NSUN5: variants seen among roughly 807,000 people sequenced by gnomAD.
NSUN5 encodes the protein NOP2/Sun RNA methyltransferase 5.
Under a neutral mutation model 51.1 loss-of-function variants are expected in NSUN5, and 39 were observed. The ratio of observed to expected loss-of-function variants is 0.76; its 90% CI spans 0.59 to 1.00. The LOEUF (loss-of-function observed/expected upper bound fraction) is 1.00, where lower values mean the gene tolerates loss of function less well. NSUN5 is among the 50% of genes least tolerant of loss of function. NSUN5 has a pLI of 0.00. For synonymous variants in NSUN5, 266 were observed against 271.5 expected (o/e 0.98, Z 0.20); for missense variants, 526 against 614.0 (o/e 0.86, Z 1.51).
In NSUN5 at chr7:73,302,915, T is replaced by C. The variant is rs1236613092; in HGVS notation, c.*500A>G. 3.8e-6 allele frequency: 4 copies of C among 1,047,206 alleles called. No individual in the cohort carries two copies. The East Asian group carries it at 3.1e-4, about 80-fold the overall frequency. 64.9% of individuals were successfully genotyped at this position (1,047,206 alleles called of 1,614,324 possible). A position where few individuals can be genotyped will look rare whatever the true frequency, so the allele number is the denominator to read the frequency against. Reference sequence around the variant, plus strand: ...GTGAACCTCAAGCCTAAATACCTGTTAGGATTGGAGGGTCTGGGTGGGCCT... The same window carrying C: ...GTGAACCTCAAGCCTAAATACCTGTCAGGATTGGAGGGTCTGGGTGGGCCT... On this transcript the variant is annotated 3_prime_UTR_variant, in exon 10 of 10. Coordinates refer to ENST00000438747, the MANE Select transcript of NSUN5 (RefSeq NM_148956.4).
In NSUN5 at chr7:73,308,678, C is replaced by G; in HGVS notation, c.93+20G>C. On this transcript the variant is annotated intron_variant, in intron 1 of 9. Transcript: ENST00000438747. ...GGTTCCTCACTCCCCACCCCTACTA[C>G]TCGCGCCCAGGTCCGCTACCTGGAA... The G allele has an allele frequency of 1.4e-6, 2 of 1,480,020 alleles. No homozygotes were observed. Among genetic ancestry groups the G allele is most frequent in the South Asian group, 2.2e-5 (2 of 89,038 alleles). The allele number at this position is 1,480,020 out of a possible 1,614,324, so 91.7% of individuals were successfully genotyped here.
In NSUN5 at chr7:73,303,960, G is replaced by C. The variant is rs1468594486; in HGVS notation, c.1011C>G (p.Phe337Leu). The C allele has an allele frequency of 1.9e-6, 3 of 1,613,996 alleles. No homozygotes were observed. Among genetic ancestry groups the C allele is most frequent in the Non-Finnish European group, 2.5e-6 (3 of 1,180,022 alleles). Residue 337 changes from phenylalanine to leucine, a missense_variant, in exon 8 of 10, where the codon TTC (phenylalanine) becomes TTG (leucine). Transcript: ENST00000438747. ...GTGCGTGGCACAGGGCTCGCTGCTGGAACCCTGCCAGGGCATGCAGACGCA... is the reference window on the plus strand; with the variant it reads ...GTGCGTGGCACAGGGCTCGCTGCTGCAACCCTGCCAGGGCATGCAGACGCA... ...SPVRLHALAG[F>L]QQRALCHALT...
Position 73,307,315 on chromosome 7 carries a change from C to T in NSUN5, c.500+79G>A, listed in dbSNP as rs1272964909. On this transcript the variant is annotated intron_variant, in intron 4 of 9. Coordinates refer to ENST00000438747, the MANE Select transcript of NSUN5 (RefSeq NM_148956.4). ...AGGAAGAAAGCCCAGAGAGCAAAGT[C>T]ACAACTATCCAGCCACTTCTCTTCC... 6.7e-6 allele frequency: 7 copies of T among 1,051,058 alleles called. No homozygotes were observed. In the East Asian group the frequency reaches 1.7e-4, roughly 25 times the overall value. The allele number at this position is 1,051,058 out of a possible 1,614,324, so 65.1% of individuals were successfully genotyped here. A position where few individuals can be genotyped will look rare whatever the true frequency, so the allele number is the denominator to read the frequency against.
intron 9 of NSUN5, 31 bp downstream of exon 9, chr7:73,303,569 G>A (rs1803889654): frequency 6.2e-7 from 1 of 1,613,812 alleles, no homozygotes; most frequent in South Asian, 1.1e-5. Context: ...GTGCCATCCT[G>A]CGCCTCCCAA....
intron 7 of NSUN5, 91 bp from the exon 8 acceptor site, chr7:73,304,127 T>C (rs1177179340): frequency 5.7e-6 from 9 of 1,565,592 alleles, no homozygotes; most frequent in Non-Finnish European, 7.8e-6. Flanking sequence ...TGTCCCAGGG[T>C]CCCAAGCCCA....
intron 4 of NSUN5, among the ~76,000 whole-genome samples, chr7:73,306,942 G>A (rs1804063358): frequency 6.6e-6 from 1 of 152,148 alleles, no homozygotes. Context: ...TTGGAGGGAG[G>A]AGAAGGAAGC....
At position 73,304,007 on chromosome 7, in the gene NSUN5, C is replaced by T. The variant is rs570093741; in HGVS notation, c.964G>A (p.Gly322Arg). ...CGCACCGGGCTAGGTGTGCCTGCCC[C>T]GGGCTCCTCCAGCTGTCTGCTCGGC... ...GMPSRQLEEPGAGTPSPVRLH... is the reference protein window; with the variant it reads ...GMPSRQLEEPRAGTPSPVRLH... The change falls in exon 8 of 10, where the codon GGG (glycine) becomes AGG (arginine). Residue 322 changes from glycine (G) to arginine (R), a missense_variant. Coordinates refer to ENST00000438747, the MANE Select transcript of NSUN5 (RefSeq NM_148956.4). 3.7e-5 allele frequency: 60 copies of T among 1,614,078 alleles called. No homozygotes were observed. The highest frequency in any genetic ancestry group is 1.6e-4 in the Middle Eastern group (1 of 6,062).
rs141373222 is a variant in NSUN5 at position 73,307,652 on chromosome 7, G to C, written c.322C>G (p.Arg108Gly). The C allele has an allele frequency of 3.2e-5, 51 of 1,608,970 alleles. No homozygotes were observed. Among genetic ancestry groups the C allele is most frequent in the South Asian group, 2.6e-4 (24 of 90,918 alleles). ...HQARLKAELA[R>G]LKVHRGVSRN... ...CTCACACCCCGATGAACCTTGAGCC[G>C]AGCCAACTCAGCCTTGAGCCTCGCC... The change falls in exon 3 of 10, where the codon CGG (arginine) becomes GGG (glycine). Residue 108 changes from arginine to glycine, a missense_variant. By Grantham distance (125) the Arg-to-Gly change is moderately radical. Coordinates refer to ENST00000438747, the MANE Select transcript of NSUN5 (RefSeq NM_148956.4).
Position 73,305,169 on chromosome 7 carries a change from T to A in NSUN5, c.501-72A>T. On this transcript the variant is annotated intron_variant, in intron 4 of 9. Transcript: ENST00000438747. ...AGGCCCCATTTCAACGGTCCATTCA[T>A]GCAACAAATGTTACCACAGCTATGG... is the stretch of plus-strand genomic sequence containing the variant. 5.2e-6 allele frequency: 8 copies of A among 1,553,290 alleles called. No homozygotes were observed. In the South Asian group the frequency reaches 9.4e-5, roughly 18 times the overall value.
chr7:73,307,626 G>A lies in NSUN5; in HGVS notation c.348C>T (p.Ser116=). ...CCACTTCCAACAGGTCCTCATTCCGGCTCACACCCCGATGAACCTTGAGCC... is the reference window on the plus strand; with the variant it reads ...CCACTTCCAACAGGTCCTCATTCCGACTCACACCCCGATGAACCTTGAGCC... The part of the protein sequence containing the change: ...LARLKVHRGV[S]RNEDLLEVGS... Residue 116 remains serine, a synonymous_variant, in exon 3 of 10, where the codon AGC becomes AGT. Coordinates refer to ENST00000438747, the MANE Select transcript of NSUN5 (RefSeq NM_148956.4). The A allele has an allele frequency of 6.2e-7, 1 of 1,605,444 alleles. No homozygotes were observed. The highest frequency in any genetic ancestry group is 1.1e-5 in the South Asian group (1 of 90,848).
At position 73,304,306 on chromosome 7, in the gene NSUN5, G is replaced by A. The variant is rs1554541452; in HGVS notation, c.858C>T (p.Phe286=). The A allele has an allele frequency of 6.2e-7, 1 of 1,614,200 alleles. No homozygotes were observed. Among genetic ancestry groups the A allele is most frequent in the Admixed American group, 1.7e-5 (1 of 60,022 alleles). ...VSCCELAEED[F]LAVSPSDPRY... is the part of the protein sequence containing the mutation. ...GTGGATCCGAGGGGGAGACCGCCAG[G>A]AAGTCCTCCTCAGCCAGTTCACAGC... Residue 286 remains phenylalanine (F), a synonymous_variant, in exon 7 of 10, where the codon TTC becomes TTT. Coordinates refer to ENST00000438747, the MANE Select transcript of NSUN5 (RefSeq NM_148956.4).
intron 5 of NSUN5, 47 bp downstream of exon 5, chr7:73,304,912 C>T (rs1803974470): frequency 6.2e-7 from 1 of 1,611,712 alleles, no homozygotes; most frequent in Non-Finnish European, 8.5e-7. Flanking sequence ...CAGGCTAGGC[C>T]CTTCCCGTGC....
chr7:73,308,644 C>T (rs1804151575), intron 1 of NSUN5, 54 bp downstream of exon 1: 1 of 1,591,758 alleles, frequency 6.3e-7, no homozygotes, highest in Non-Finnish European at 8.6e-7. Context: ...CCCGTCCGAC[C>T]CCACCCCGGG....
At position 73,307,660 on chromosome 7, in the gene NSUN5, TC is replaced by T; in HGVS notation, c.313del (p.Glu105SerfsTer11). On this transcript the variant is annotated frameshift_variant, in exon 3 of 10. Coordinates refer to ENST00000438747, the MANE Select transcript of NSUN5 (RefSeq NM_148956.4). LOFTEE classifies it high-confidence loss of function. ...LGRHQARLKAELARLKVHRGV... is the reference protein window; with the variant it reads ...LGRHQARLKAXLARLKVHRGV... ...CCGATGAACCTTGAGCCGAGCCAAC[TC>T]AGCCTTGAGCCTCGCCTGGTGCCGG... 1.2e-6 allele frequency: 2 copies of T among 1,604,952 alleles called. No individual in the cohort carries two copies. The highest frequency in any genetic ancestry group is 3.3e-4 in the Middle Eastern group (2 of 6,010).
intron 2 of NSUN5, chr7:73,308,073 G>T: frequency 4.5e-6 from 2 of 448,018 alleles, no homozygotes; most frequent in East Asian, 3.8e-5. Flanking sequence ...TAGCTCTGTC[G>T]CCCAGGCTGA....
chr7:73,305,419 A>C (rs1167224868), intron 4 of NSUN5, among the ~76,000 whole-genome samples: 1 of 151,748 alleles, frequency 6.6e-6, no homozygotes, highest in African/African-American at 2.4e-5. Context: ...AAATTAATAA[A>C]TGTTAGCTAT....
chr7:73,303,451 T>C lies in NSUN5; in HGVS notation c.1365A>G (p.Arg455=), dbSNP rs1803882307. The change falls in exon 10 of 10, where the codon AGA becomes AGG. Residue 455 remains arginine (R), a synonymous_variant. Transcript: ENST00000438747. The stretch of plus-strand genomic sequence containing the variant: ...GCGGTGTGCAAGCACCGGCTGCGGC[T>C]CTTTGCTGTCTCTTCTTTCTCTTTG... ...PAPKRKKRQQ[R]AAAGACTPPC... is the part of the protein sequence containing the mutation. 1 of 1,614,152 alleles carries C rather than the reference T, an allele frequency of 6.2e-7. No homozygotes were observed. Among genetic ancestry groups the C allele is most frequent in the Non-Finnish European group, 8.5e-7 (1 of 1,180,024 alleles).
Position 73,308,418 on chromosome 7 carries a change from C to T in NSUN5, c.216+13G>A. The T allele has an allele frequency of 6.3e-7, 1 of 1,588,498 alleles. No homozygotes were observed. Among genetic ancestry groups the T allele is most frequent in the Non-Finnish European group, 8.6e-7 (1 of 1,165,376 alleles). ...CGTCGGGGTTCACTTCCCCGTCCCTCCCCTCCCCTCACCTTGGCCAGGTGC... is the reference window on the plus strand; with the variant it reads ...CGTCGGGGTTCACTTCCCCGTCCCTTCCCTCCCCTCACCTTGGCCAGGTGC... On this transcript the variant is annotated intron_variant, in intron 2 of 9. Transcript: ENST00000438747.
chr7:73,303,822 G>T lies in NSUN5; in HGVS notation c.1145+4C>A, dbSNP rs782708710. The T allele has an allele frequency of 6.2e-7, 1 of 1,613,790 alleles. No homozygotes were observed. Among genetic ancestry groups the T allele is most frequent in the Non-Finnish European group, 8.5e-7 (1 of 1,179,862 alleles). ...TCCCCACGACCCTGGCGCCCGCCCT[G>T]TACCTGAAGGCGCCCGGGTTCTGCT... On this transcript the variant is annotated splice_donor_region_variant and intron_variant, in intron 8 of 9. Coordinates refer to ENST00000438747, the MANE Select transcript of NSUN5 (RefSeq NM_148956.4).
Sources: gnomAD v4.1 joint callset for allele counts (sites outside exome capture counted in the v4.1 genomes callset) on GRCh38, gnomAD v4.1.1 for gene constraint, MANE v1.5 for transcripts, NCBI Gene and HGNC (gene_info 2026-07-23, HGNC 2026-07-21) for gene names.